SGCE: variants seen among roughly 807,000 people sequenced by gnomAD.
The protein encoded by SGCE is sarcoglycan epsilon, also known as epsilon-sarcoglycan.
A neutral mutation model predicts 57.8 loss-of-function variants in SGCE; 26 were observed. The ratio of observed to expected loss-of-function variants is 0.45; its 90% CI spans 0.33 to 0.62. The LOEUF is 0.62. Among genes scored for constraint, SGCE ranks in the 20% least tolerant of loss-of-function variants. The pLI, the probability that SGCE is intolerant of heterozygous loss-of-function variation, is 0.02. For missense variants in SGCE, 468 were observed against 548.6 expected (o/e 0.85, Z 1.47); for synonymous variants, 183 against 189.5 (o/e 0.97, Z 0.28).
chr7:94,636,935 G>A (rs1029856916), intron 1 of SGCE, among the ~76,000 whole-genome samples: 2 of 151,700 alleles, frequency 1.3e-5, no homozygotes, highest in African/African-American at 2.4e-5. Context: ...CGTGGTGGTG[G>A]GTGCCTATAA....
At chr7:94,588,800 C>T (rs985109803) in intron 9 of SGCE, 68 bp from the exon 10 acceptor site, 2 of 1,601,870 alleles carry the variant, frequency 1.2e-6, no homozygotes, top group Non-Finnish European at 1.7e-6. Flanking sequence ...AGCAGACATA[C>T]TAGAATGAAA....
chr7:94,623,774 G>A (rs533505086), intron 3 of SGCE: 1 of 387,190 alleles, frequency 2.6e-6, no homozygotes, highest in East Asian at 3.7e-5. Context: ...TTTAAATGGA[G>A]TTTAAGAATT....
At chr7:94,601,306 GAA>G (rs986209827) in intron 6 of SGCE, among the ~76,000 whole-genome samples, 4 of 145,474 alleles carry the variant, frequency 2.7e-5, no homozygotes, top group African/African-American at 1.0e-4. Flanking sequence ...AAGAAAAAAG[GAA>G]AAAAAAAAGA....
At chr7:94,616,184 C>G (rs1801911830) in intron 5 of SGCE, among the ~76,000 whole-genome samples, 1 of 152,130 alleles carries the variant, frequency 6.6e-6, no homozygotes, top group Non-Finnish European at 1.5e-5. Context: ...CTTAATGACA[C>G]TTCAGGCAGT....
At chr7:94,617,581 T>C (rs554814238) in intron 5 of SGCE, 2 of 152,306 alleles carry the variant, frequency 1.3e-5, no homozygotes, top group Admixed American at 6.5e-5. Flanking sequence ...ACTGTAACTA[T>C]GAAGTAAAAA....
intron 6 of SGCE, among the ~76,000 whole-genome samples, chr7:94,601,409 CCTATCCCAGTCTTACTTAATT>C (rs1799196124): frequency 7.7e-6 from 1 of 129,782 alleles, no homozygotes; most frequent in African/African-American, 3.0e-5. Flanking sequence ...GAATATGGAA[CCTATCCCAGTCTTACTTAATT>C]CTATCCCAGT....
In SGCE at chr7:94,651,447, C is replaced by T. The variant is rs753715725; in HGVS notation, c.109+4543G>A. 7.9e-5 allele frequency among the ~76,000 whole-genome samples: 12 copies of T among 152,282 alleles called. No individual in the cohort carries two copies. In the South Asian group the frequency reaches 8.3e-4, roughly 11 times the overall value. ...CCTGACGCAAACCCAAGAACGTATA[C>T]ACCTCGCCGGTGCTGGTTCAGTCTG... On this transcript the variant is annotated intron_variant, in intron 1 of 10. Coordinates refer to ENST00000648936, the MANE Select transcript of SGCE (RefSeq NM_003919.3).
At chr7:94,652,284 G>A (rs1808013279) in intron 1 of SGCE, among the ~76,000 whole-genome samples, 1 of 152,078 alleles carries the variant, frequency 6.6e-6, no homozygotes, top group Non-Finnish European at 1.5e-5. Context: ...ATGCATTTAG[G>A]TGTTTACAGA....
rs865996751 is a variant in SGCE, at chr7:94,604,435, A to C, written c.663-983T>G. ...CCATACACACACACACACACACACA[A>C]ATTTGGATAAGGAAAAACAAATTTG... On this transcript the variant is annotated intron_variant, in intron 5 of 10. Coordinates refer to ENST00000648936, the MANE Select transcript of SGCE (RefSeq NM_003919.3). Among the ~76,000 whole-genome samples, 3 of 146,422 alleles carry C rather than the reference A, an allele frequency of 2.0e-5. No individual in the cohort carries two copies. In the South Asian group the frequency reaches 6.4e-4, roughly 31 times the overall value.
At chr7:94,615,230 G>C (rs1801697715) in intron 5 of SGCE, among the ~76,000 whole-genome samples, 1 of 152,092 alleles carries the variant, frequency 6.6e-6, no homozygotes, top group Admixed American at 6.5e-5. Flanking sequence ...ACAGTGGCAG[G>C]TGCCTGTAAT....
rs760964336 is a variant in SGCE, at chr7:94,629,809, G to A, written c.142C>T (p.Arg48Trp). 2.4e-5 allele frequency: 39 copies of A among 1,610,570 alleles called. No homozygotes were observed. The highest frequency in any genetic ancestry group is 1.1e-4 in the East Asian group (5 of 44,768). Residue 48 changes from arginine (R) to tryptophan (W), a missense_variant, in exon 2 of 11, where the codon CGG (arginine) becomes TGG (tryptophan). Arg to Trp is a moderately radical substitution (Grantham distance 101). Transcript: ENST00000648936. The part of the protein sequence containing the change: ...YSIFSKVHSD[R>W]NVYPSAGVLF... ...ACACCTGCTGATGGGTATACATTCC[G>A]ATCGGAGTGTACCTTGGAGAAAATA...
At chr7:94,588,213 A>C in intron 10 of SGCE, 4 of 1,063,092 alleles carry the variant, frequency 3.8e-6, no homozygotes, top group Non-Finnish European at 4.5e-6. Context: ...GTCATTGGTC[A>C]TGTTATAACA....
intron 1 of SGCE, among the ~76,000 whole-genome samples, chr7:94,643,870 G>A (rs184849754): frequency 5.5e-4 from 83 of 152,126 alleles, no homozygotes; most frequent in African/African-American, 2.0e-3. Flanking sequence ...TCTCTAGGAC[G>A]GAAAAATATG....
intron 7 of SGCE, 186 bp downstream of exon 7, chr7:94,600,456 CTAAT>C: frequency 1.8e-6 from 1 of 568,638 alleles, no homozygotes; most frequent in Non-Finnish European, 3.1e-6. Context: ...ATTATATCCC[CTAAT>C]TTGATTTACT....
intron 4 of SGCE, chr7:94,622,267 T>TC (rs1802910085): frequency 6.6e-6 from 1 of 152,160 alleles, no homozygotes; most frequent in Non-Finnish European, 1.5e-5. Flanking sequence ...AAATTCTGGA[T>TC]CAGTTTCCCT....
At chr7:94,588,556 C>G in intron 10 of SGCE, 133 bp downstream of exon 10, 1 of 1,511,866 alleles carries the variant, frequency 6.6e-7, no homozygotes. Context: ...GGTTTTAAGT[C>G]TGATTAAGGA....
At position 94,644,821 on chromosome 7, in the gene SGCE, T is replaced by G. The variant is rs1193521908; in HGVS notation, c.109+11169A>C. On this transcript the variant is annotated intron_variant, in intron 1 of 10. Coordinates refer to ENST00000648936, the MANE Select transcript of SGCE (RefSeq NM_003919.3). ...CTTCCCTTCTTTTATGCAATTCTCC[T>G]CATTTCTTTTAAAATTGTTTCCTAC... 2.0e-5 allele frequency among the ~76,000 whole-genome samples: 3 copies of G among 152,198 alleles called. No individual in the cohort carries two copies. The East Asian group carries it at 5.8e-4, about 29-fold the overall frequency.
intron 1 of SGCE, among the ~76,000 whole-genome samples, chr7:94,646,129 T>G (rs535618206): frequency 7.7e-4 from 118 of 152,316 alleles, no homozygotes; most frequent in African/African-American, 2.8e-3. Context: ...CTTAGCCAAG[T>G]TGAGGGCTGC....
chr7:94,646,080 C>T (rs1450837865), intron 1 of SGCE, among the ~76,000 whole-genome samples: 2 of 152,164 alleles, frequency 1.3e-5, no homozygotes, highest in Non-Finnish European at 2.9e-5. Flanking sequence ...TGTCCAAGGA[C>T]TAAAAAGATG....
Sources: gnomAD v4.1 joint callset for allele counts (sites outside exome capture counted in the v4.1 genomes callset) on GRCh38, gnomAD v4.1.1 for gene constraint, MANE v1.5 for transcripts, NCBI Gene and HGNC (gene_info 2026-07-23, HGNC 2026-07-21) for gene names.